Variants in RAB38 observed in about 807,000 individuals in gnomAD.
RAB38 encodes the protein RAB38, member RAS oncogene family, also known as ras-related protein Rab-38.
In RAB38, 15 loss-of-function variants were observed where a neutral mutation model predicts 18.4. The observed-to-expected ratio is 0.82, with a 90% CI of 0.55 to 1.26. RAB38 has a LOEUF of 1.26. Among genes scored for constraint, RAB38 ranks in the 50% most tolerant of loss-of-function variants. RAB38 has a pLI of 0.00. For synonymous variants in RAB38, 101 were observed against 104.4 expected, an observed-to-expected ratio of 0.97 and a Z score of 0.20; for missense variants, 294 against 267.4, an observed-to-expected ratio of 1.10 and a Z score of -0.69.
At chr11:87,927,552 C>A in the RAB38 span, among the ~76,000 whole-genome samples, 3 of 151,908 alleles carry the variant, frequency 2.0e-5, no homozygotes, top group African/African-American at 4.8e-5. Flanking sequence ...ACCATCCAAT[C>A]TAAGAAGCCT....
chr11:88,175,354 T>C lies in RAB38; in HGVS notation c.31A>G (p.Lys11Glu), dbSNP rs1477022458. The change falls in exon 1 of 3, where the codon AAG becomes GAG. Residue 11 changes from lysine to glutamate, a missense_variant. By Grantham distance (56) the Lys-to-Glu change is moderately conservative. Coordinates refer to ENST00000243662, the MANE Select transcript of RAB38 (RefSeq NM_022337.3). Reference protein sequence around the residue: MQAPHKEHLYKLLVIGDLGVG... With the variant: MQAPHKEHLYELLVIGDLGVG... ...CCCAGGTCGCCAATCACCAGCAACT[T>C]GTACAGGTGCTCCTTGTGCGGGGCC... The C allele has an allele frequency of 6.2e-7, 1 of 1,614,032 alleles. No homozygotes were observed. The highest frequency in any genetic ancestry group is 8.5e-7 in the Non-Finnish European group (1 of 1,180,020).
intron 2 of RAB38, among the ~76,000 whole-genome samples, chr11:88,142,495 A>G (rs1942928319): frequency 6.6e-6 from 1 of 152,208 alleles, no homozygotes; most frequent in African/African-American, 2.4e-5. Flanking sequence ...GGTGTCATGA[A>G]TTGCTTAAGT....
the RAB38 span, among the ~76,000 whole-genome samples, chr11:87,964,419 G>A: frequency 6.6e-6 from 1 of 152,058 alleles, no homozygotes; most frequent in Non-Finnish European, 1.5e-5. Flanking sequence ...GTCTCTTGAG[G>A]CCTAGGCTTG....
At chr11:87,976,918 TTATAATTACATTATACAA>T in the RAB38 span, among the ~76,000 whole-genome samples, 201 of 308 alleles carry the variant, frequency 0.65, 75 homozygotes, top group Middle Eastern at 1. Flanking sequence ...GTATTATATA[TTATAATTACATTATACAA>T]GTATATTATA....
chr11:87,857,330 G>T, the RAB38 span, among the ~76,000 whole-genome samples: 22 of 152,192 alleles, frequency 1.4e-4, no homozygotes, highest in Non-Finnish European at 2.5e-4. Context: ...ACATTTGTGT[G>T]CATGTGTCTT....
At chr11:87,957,348 C>T in the RAB38 span, among the ~76,000 whole-genome samples, 752 of 151,874 alleles carry the variant, frequency 5.0e-3, 10 homozygotes, top group African/African-American at 0.017. Context: ...TTTTCTCATC[C>T]GTCATAAGGG....
chr11:88,128,995 G>A (rs1295177905), intron 2 of RAB38, among the ~76,000 whole-genome samples: 1 of 152,180 alleles, frequency 6.6e-6, no homozygotes, highest in African/African-American at 2.4e-5. Flanking sequence ...ACCCTCAGTT[G>A]TATTTACTAT....
the RAB38 span, among the ~76,000 whole-genome samples, chr11:87,975,849 A>C: frequency 1.3e-5 from 2 of 151,790 alleles, no homozygotes; most frequent in East Asian, 1.9e-4. Flanking sequence ...CTGACCAAAG[A>C]AAAAAAGAGA....
chr11:88,025,284 A>G, the RAB38 span, among the ~76,000 whole-genome samples: 1 of 151,658 alleles, frequency 6.6e-6, no homozygotes, highest in African/African-American at 2.4e-5. Flanking sequence ...TCCATCATTG[A>G]TGGGCACCTA....
chr11:88,160,034 AACAGACAATCT>A (rs1943171706), intron 1 of RAB38, among the ~76,000 whole-genome samples: 2 of 152,186 alleles, frequency 1.3e-5, no homozygotes, highest in Non-Finnish European at 2.9e-5. Flanking sequence ...CAACAGAGTA[AACAGACAATCT>A]ACAGAATGGG....
At chr11:88,031,553 A>G in the RAB38 span, among the ~76,000 whole-genome samples, 1 of 151,958 alleles carries the variant, frequency 6.6e-6, no homozygotes, top group African/African-American at 2.4e-5. Context: ...AAATCAATGT[A>G]CAAAAATCAC....
chr11:87,964,219 G>C, the RAB38 span, among the ~76,000 whole-genome samples: 1 of 152,054 alleles, frequency 6.6e-6, no homozygotes, highest in African/African-American at 2.4e-5. Context: ...AGCCTTGACC[G>C]ATCTCAGCAA....
chr11:87,851,445 T>C, the RAB38 span, among the ~76,000 whole-genome samples: 2 of 152,222 alleles, frequency 1.3e-5, no homozygotes, highest in African/African-American at 4.8e-5. Flanking sequence ...AGGCAGTATT[T>C]AGAATGGCAT....
At chr11:88,108,677 C>A (rs1942433692), downstream of RAB38, among the ~76,000 whole-genome samples, 1 of 151,538 alleles carries the variant, frequency 6.6e-6, no homozygotes, top group African/African-American at 2.4e-5. Flanking sequence ...GAATTTGATC[C>A]TGTCATTATG....
Position 88,170,993 on chromosome 11 carries a change from C to A in RAB38, c.202+4190G>T, listed in dbSNP as rs78392971. Among the ~76,000 whole-genome samples, 24 of 152,308 alleles carry A rather than the reference C, an allele frequency of 1.6e-4. No individual in the cohort carries two copies. The East Asian group carries it at 4.6e-3, about 29-fold the overall frequency. ...GATCTCAGGCAACTCTCTTACCTCT[C>A]TCATTTTTTATCTTTTTAAATAAAA... is the stretch of plus-strand genomic sequence containing the variant. On this transcript the variant is annotated intron_variant, in intron 1 of 2. Coordinates refer to ENST00000243662, the MANE Select transcript of RAB38 (RefSeq NM_022337.3).
chr11:88,060,483 T>C, the RAB38 span, among the ~76,000 whole-genome samples: 6 of 152,180 alleles, frequency 3.9e-5, no homozygotes, highest in African/African-American at 1.4e-4. Flanking sequence ...TTATTTTATA[T>C]AGGAGGAAGC....
chr11:87,976,203 A>C, the RAB38 span, among the ~76,000 whole-genome samples: 1 of 146,856 alleles, frequency 6.8e-6, no homozygotes, highest in East Asian at 2.0e-4. Context: ...TATATACTCT[A>C]TGTATATTTT....
At chr11:88,121,714 C>T (rs1306918880) in intron 2 of RAB38, among the ~76,000 whole-genome samples, 1 of 152,166 alleles carries the variant, frequency 6.6e-6, no homozygotes, top group Admixed American at 6.5e-5. Flanking sequence ...AGGCGCCCGC[C>T]GCCACGCCCA....
chr11:87,825,766 T>C, the RAB38 span, among the ~76,000 whole-genome samples: 2 of 151,948 alleles, frequency 1.3e-5, no homozygotes, highest in African/African-American at 2.4e-5. Context: ...AGTGGAGAGA[T>C]TATTGATTGT....
Sources: gnomAD v4.1 joint callset for allele counts (sites outside exome capture counted in the v4.1 genomes callset) on GRCh38, gnomAD v4.1.1 for gene constraint, MANE v1.5 for transcripts, NCBI Gene and HGNC (gene_info 2026-07-23, HGNC 2026-07-21) for gene names.